SFTPD: variants seen among roughly 807,000 people sequenced by gnomAD.
SFTPD encodes the protein pulmonary surfactant-associated protein D.
Under a neutral mutation model 34.6 loss-of-function variants are expected in SFTPD, and 18 were observed. That is an observed-to-expected ratio of 0.52 (90% CI 0.36 to 0.77). The LOEUF is 0.77. SFTPD is among the 30% of genes least tolerant of loss of function. The probability of loss-of-function intolerance (pLI) is 0.00; values close to 1 mark genes in which losing one functional copy is unlikely to be tolerated. For missense variants in SFTPD, 433 were observed against 468.9 expected (o/e 0.92, Z 0.71); for synonymous variants, 155 against 180.9 (o/e 0.86, Z 1.15).
At chr10:79,946,848 AG>A (rs1842670963) in intron 1 of SFTPD, among the ~76,000 whole-genome samples, 186 bp from the exon 2 acceptor site, 1 of 152,146 alleles carries the variant, frequency 6.6e-6, no homozygotes, top group Non-Finnish European at 1.5e-5. Context: ...CTGGATGGAG[AG>A]CATGAGTTAC....
chr10:79,961,260 CA>C (rs1163127127), intron 1 of SFTPD, among the ~76,000 whole-genome samples: 1 of 152,086 alleles, frequency 6.6e-6, no homozygotes, highest in Non-Finnish European at 1.5e-5. Context: ...TCTAAAACAC[CA>C]AAAGCAATGG....
At chr10:79,943,080 G>A (rs925228141) in intron 2 of SFTPD, among the ~76,000 whole-genome samples, 6 of 152,118 alleles carry the variant, frequency 3.9e-5, no homozygotes, top group African/African-American at 1.4e-4. Context: ...TTCCAGAGTT[G>A]GAGGCGGATT....
At chr10:79,942,246 G>C in intron 4 of SFTPD, 142 bp downstream of exon 4, 1 of 730,338 alleles carries the variant, frequency 1.4e-6, no homozygotes, top group Non-Finnish European at 2.4e-6. Flanking sequence ...GCAGTTGTGG[G>C]GATTGGGAGG....
chr10:79,949,633 C>T (rs1842697136), upstream of SFTPD, among the ~76,000 whole-genome samples: 1 of 152,182 alleles, frequency 6.6e-6, no homozygotes, highest in Admixed American at 6.5e-5. Context: ...AGGGAGCTGC[C>T]ACCTGGAAAG....
At chr10:79,971,610 C>G (rs1044097975) in intron 1 of SFTPD, 1 of 152,042 alleles carries the variant, frequency 6.6e-6, no homozygotes, top group Non-Finnish European at 1.5e-5. Flanking sequence ...AGAAATTTTT[C>G]CATTTCCATT....
At chr10:79,974,972 G>A (rs532439601) in intron 1 of SFTPD, among the ~76,000 whole-genome samples, 180 of 152,304 alleles carry the variant, frequency 1.2e-3, no homozygotes, top group Non-Finnish European at 2.1e-3. Context: ...GGGATGGGCC[G>A]AAATAAAGGG....
upstream of SFTPD, among the ~76,000 whole-genome samples, chr10:79,953,646 A>C (rs916325719): frequency 4.6e-5 from 7 of 151,976 alleles, no homozygotes; most frequent in Admixed American, 3.3e-4. Context: ...CTATTTGGGA[A>C]ATTTTGGGCT....
At chr10:79,954,350 G>A (rs1842727386) in intron 1 of SFTPD, among the ~76,000 whole-genome samples, 1 of 152,212 alleles carries the variant, frequency 6.6e-6, no homozygotes, top group South Asian at 2.1e-4. Context: ...CGCTGTTGGT[G>A]ACCACAGGTG....
chr10:79,939,687 A>T (rs1007517935), intron 7 of SFTPD, among the ~76,000 whole-genome samples: 3 of 152,220 alleles, frequency 2.0e-5, no homozygotes, highest in Admixed American at 2.0e-4. Flanking sequence ...AGAAAGAGAT[A>T]TATACCAAAT....
intron 1 of SFTPD, chr10:79,973,162 T>C (rs1842844801): frequency 6.6e-6 from 1 of 152,232 alleles, no homozygotes; most frequent in Non-Finnish European, 1.5e-5. Flanking sequence ...AGTATTAACA[T>C]GCATATCATG....
At chr10:79,975,080 C>A (rs1842857399) in intron 1 of SFTPD, among the ~76,000 whole-genome samples, 1 of 152,178 alleles carries the variant, frequency 6.6e-6, no homozygotes, top group Non-Finnish European at 1.5e-5. Context: ...AACAGGGAAT[C>A]ACCAAGCCTC....
intron 3 of SFTPD, 46 bp from the exon 4 acceptor site, chr10:79,942,550 C>T (rs140372995): frequency 1.5e-6 from 2 of 1,310,898 alleles, no homozygotes. Flanking sequence ...ATCCTCTTGG[C>T]AGGAGGAGTG....
intron 1 of SFTPD, among the ~76,000 whole-genome samples, chr10:79,980,860 G>C (rs1302925713): frequency 6.6e-6 from 1 of 152,200 alleles, no homozygotes; most frequent in Non-Finnish European, 1.5e-5. Flanking sequence ...TCTCAAGAAG[G>C]ACAAGTACAA....
At position 79,954,981 on chromosome 10, in the gene SFTPD, T is replaced by C. The variant is rs138887560; in HGVS notation, c.37-8319A>G. Among the ~76,000 whole-genome samples, 1,059 of 152,338 alleles carry C rather than the reference T, an allele frequency of 7.0e-3. 9 individuals carry two copies. The highest frequency in any genetic ancestry group is 0.012 in the Non-Finnish European group (824 of 68,032). ...TCACAGCTATAGCTCATTCACTTGA[T>C]ACACCACTTCCTTTCAACCCCCACA... On this transcript the variant is annotated intron_variant, in intron 1 of 5. Coordinates refer to the SFTPD transcript ENST00000444384.
At chr10:79,955,962 C>A (rs1842735790) in intron 1 of SFTPD, among the ~76,000 whole-genome samples, 1 of 151,716 alleles carries the variant, frequency 6.6e-6, no homozygotes. Flanking sequence ...GAGTCAAAGA[C>A]AAAGAGGCAG....
intron 1 of SFTPD, among the ~76,000 whole-genome samples, chr10:79,979,047 A>G (rs963042279): frequency 2.0e-5 from 3 of 152,216 alleles, no homozygotes; most frequent in African/African-American, 7.2e-5. Context: ...CAATTTAAAT[A>G]CTATCAACAA....
At chr10:79,972,513 G>GACAC (rs148640132) in intron 1 of SFTPD, 22,640 of 148,784 alleles carry the variant, frequency 0.15, 1,797 homozygotes, top group South Asian at 0.3. Context: ...CACACACACA[G>GACAC]ACACACACAC....
At chr10:79,941,846 G>A (rs1589333745) in intron 5 of SFTPD, 108 bp downstream of exon 5, 7 of 767,012 alleles carry the variant, frequency 9.1e-6, no homozygotes, top group Middle Eastern at 3.9e-4. Flanking sequence ...ATGTTCCAGC[G>A]ATACCACCTC....
upstream of SFTPD, among the ~76,000 whole-genome samples, chr10:79,952,367 G>A (rs1215362610): frequency 6.6e-6 from 1 of 152,156 alleles, no homozygotes; most frequent in Non-Finnish European, 1.5e-5. Flanking sequence ...TGAGGGGGTA[G>A]GAGAAGACTC....
Sources: allele counts gnomAD v4.1 joint callset (sites outside exome capture counted in the v4.1 genomes callset), GRCh38; gene constraint gnomAD v4.1.1; transcripts MANE v1.5; gene names NCBI Gene and HGNC (gene_info 2026-07-23, HGNC 2026-07-21).